The following FGGY variants were observed in gnomAD, a reference collection of about 807,000 sequenced individuals.
The protein encoded by FGGY is FGGY carbohydrate kinase domain-containing protein.
Under a neutral mutation model 71.3 loss-of-function variants are expected in FGGY, and 72 were observed. The observed-to-expected ratio is 1.01, with a 90% CI of 0.84 to 1.23. The LOEUF is 1.23. Among genes scored for constraint, FGGY ranks in the 50% most tolerant of loss-of-function variants. The probability of loss-of-function intolerance (pLI) is 0.00; values close to 1 mark genes in which losing one functional copy is unlikely to be tolerated. For synonymous variants in FGGY, 251 were observed against 250.3 expected, an observed-to-expected ratio of 1.00 and a Z score of -0.02; for missense variants, 668 against 682.3, an observed-to-expected ratio of 0.98 and a Z score of 0.23.
At chr1:59,493,556 A>C (rs2093944711) in intron 6 of FGGY, among the ~76,000 whole-genome samples, 1 of 152,194 alleles carries the variant, frequency 6.6e-6, no homozygotes, top group East Asian at 1.9e-4. Context: ...ATACTGTATG[A>C]TCCTTCTTAT....
chr1:59,378,667 T>A (rs1271490189), intron 4 of FGGY, 82 bp from the exon 5 acceptor site: 1 of 1,314,752 alleles, frequency 7.6e-7, no homozygotes, highest in Non-Finnish European at 1.1e-6. Context: ...ATGCTTTTGT[T>A]TTGAAAAATT....
At chr1:59,660,996 G>T (rs1035643063) in intron 12 of FGGY, among the ~76,000 whole-genome samples, 13 of 152,138 alleles carry the variant, frequency 8.5e-5, no homozygotes, top group South Asian at 6.2e-4. Flanking sequence ...GGTGTTCGGG[G>T]TCTCACAGCA....
chr1:59,594,055 A>G (rs543299868), intron 8 of FGGY, among the ~76,000 whole-genome samples: 69 of 152,312 alleles, frequency 4.5e-4, no homozygotes, highest in African/African-American at 1.7e-3. Context: ...AAATCCCTCA[A>G]GTGTAAACAT....
At chr1:59,567,044 G>A (rs537485774) in intron 8 of FGGY, among the ~76,000 whole-genome samples, 2 of 152,086 alleles carry the variant, frequency 1.3e-5, no homozygotes, top group Non-Finnish European at 2.9e-5. Flanking sequence ...TGAGCATAAG[G>A]ACAGACAGAA....
intron 5 of FGGY, among the ~76,000 whole-genome samples, chr1:59,446,992 G>A (rs1188065924): frequency 2.6e-5 from 4 of 152,162 alleles, no homozygotes; most frequent in Admixed American, 2.0e-4. Context: ...CTGAGTAAAA[G>A]CAGGAGAATA....
At chr1:59,629,607 A>G (rs2096889775) in intron 10 of FGGY, among the ~76,000 whole-genome samples, 1 of 152,196 alleles carries the variant, frequency 6.6e-6, no homozygotes, top group South Asian at 2.1e-4. Context: ...TAAATTGTGT[A>G]CTGTTCTGCT....
chr1:59,350,897 T>C (rs114393499), intron 4 of FGGY, among the ~76,000 whole-genome samples: 2,931 of 152,324 alleles, frequency 0.019, 104 homozygotes, highest in African/African-American at 0.068. Context: ...TAGCTCACTA[T>C]ATCCCATCTA....
At chr1:59,467,580 C>T (rs991704420) in intron 6 of FGGY, among the ~76,000 whole-genome samples, 1 of 151,892 alleles carries the variant, frequency 6.6e-6, no homozygotes, top group South Asian at 2.1e-4. Context: ...CTGTAGGCTA[C>T]ATCTTGTTAC....
intron 4 of FGGY, 25 bp from the exon 5 acceptor site, chr1:59,378,724 T>C (rs1435554023): frequency 6.3e-7 from 1 of 1,599,806 alleles, no homozygotes; most frequent in African/African-American, 1.3e-5. Flanking sequence ...CCCTAATTGA[T>C]TCTAATATAT....
chr1:59,508,140 G>T (rs1013372241), intron 6 of FGGY, among the ~76,000 whole-genome samples: 1 of 152,116 alleles, frequency 6.6e-6, no homozygotes, highest in Non-Finnish European at 1.5e-5. Flanking sequence ...TCTTCACCTT[G>T]AAGACTGTAT....
At chr1:59,412,510 A>C (rs1478506505) in intron 5 of FGGY, among the ~76,000 whole-genome samples, 1 of 151,576 alleles carries the variant, frequency 6.6e-6, no homozygotes, top group African/African-American at 2.4e-5. Flanking sequence ...CTAAGATTGC[A>C]CTACCTGATG....
intron 14 of FGGY, among the ~76,000 whole-genome samples, chr1:59,721,229 A>G (rs2097889408): frequency 6.6e-6 from 1 of 151,936 alleles, no homozygotes. Context: ...TGTTATTTTG[A>G]TAAACATGAC....
Position 59,704,863 on chromosome 1 carries a change from G to T in FGGY, c.1512+30730G>T, listed in dbSNP as rs1158341238. Among the ~76,000 whole-genome samples the T allele has an allele frequency of 8.5e-5, 13 of 152,290 alleles. No individual in the cohort carries two copies. In the East Asian group the frequency reaches 2.3e-3, roughly 27 times the overall value. ...AAATTTTGTTAGCTGTGGCCAAAATGTCCTCCAAAAAAGCTGTCCCAATTC... is the reference window on the plus strand; with the variant it reads ...AAATTTTGTTAGCTGTGGCCAAAATTTCCTCCAAAAAAGCTGTCCCAATTC... On this transcript the variant is annotated intron_variant, in intron 14 of 15. Coordinates refer to ENST00000303721, the MANE Select transcript of FGGY (RefSeq NM_018291.5).
At chr1:59,721,471 T>G (rs1399074621) in intron 14 of FGGY, among the ~76,000 whole-genome samples, 1 of 150,516 alleles carries the variant, frequency 6.6e-6, no homozygotes, top group Non-Finnish European at 1.5e-5. Flanking sequence ...CCCAAGCAAC[T>G]GGGAGTACAG....
intron 5 of FGGY, among the ~76,000 whole-genome samples, chr1:59,404,319 T>C (rs1415659038): frequency 6.6e-6 from 1 of 152,036 alleles, no homozygotes; most frequent in Non-Finnish European, 1.5e-5. Context: ...CACATTTCCC[T>C]GTGTAACAAA....
At chr1:59,729,636 T>C (rs2097998836) in intron 14 of FGGY, among the ~76,000 whole-genome samples, 1 of 152,166 alleles carries the variant, frequency 6.6e-6, no homozygotes, top group Admixed American at 6.6e-5. Flanking sequence ...TTAGATAGAG[T>C]CTATGTCTTG....
chr1:59,447,499 T>G (rs1012935953), intron 5 of FGGY, among the ~76,000 whole-genome samples: 1 of 152,160 alleles, frequency 6.6e-6, no homozygotes, highest in African/African-American at 2.4e-5. Context: ...GCACCCTATC[T>G]AAGGGTGGAT....
Position 59,645,255 on chromosome 1 carries a change from G to A in FGGY, c.1221+6880G>A, listed in dbSNP as rs183985169. ...GCTTCTTTGCAGGGTCACTGTCAGC[G>A]CCAGACAGTAGGTGTTGGCACGATG... On this transcript the variant is annotated intron_variant, in intron 11 of 15. Coordinates refer to ENST00000303721, the MANE Select transcript of FGGY (RefSeq NM_018291.5). 5.0e-4 allele frequency among the ~76,000 whole-genome samples: 76 copies of A among 152,286 alleles called. 1 individual carries two copies. The highest frequency in any genetic ancestry group is 1.0e-3 in the Admixed American group (16 of 15,300).
At position 59,753,332 on chromosome 1, in the gene FGGY, G is replaced by T. The variant is rs193231547; in HGVS notation, c.1513-4599G>T. On this transcript the variant is annotated intron_variant, in intron 14 of 15. Coordinates refer to ENST00000303721, the MANE Select transcript of FGGY (RefSeq NM_018291.5). Reference sequence around the variant, plus strand: ...TTTGGAGAAATTGAAAAACTCAGCAGTGCTGTTTCTGATGACAGCACTGAT... The same window carrying T: ...TTTGGAGAAATTGAAAAACTCAGCATTGCTGTTTCTGATGACAGCACTGAT... Among the ~76,000 whole-genome samples the T allele has an allele frequency of 1.6e-3, 248 of 151,700 alleles. 1 individual carries two copies. The highest frequency in any genetic ancestry group is 5.9e-3 in the African/African-American group (242 of 41,352).
Sources: allele counts gnomAD v4.1 joint callset (sites outside exome capture counted in the v4.1 genomes callset), GRCh38; gene constraint gnomAD v4.1.1; transcripts MANE v1.5; gene names NCBI Gene and HGNC (gene_info 2026-07-23, HGNC 2026-07-21).